DIAPH2: variants seen among roughly 807,000 people sequenced by gnomAD.
DIAPH2 encodes diaphanous related formin 2.
A neutral mutation model predicts 92.7 loss-of-function variants in DIAPH2; 35 were observed. The observed-to-expected ratio is 0.38, with a 90% CI of 0.29 to 0.50. The LOEUF is 0.50. Ranked by LOEUF, DIAPH2 falls within the 20% of genes least tolerant of loss-of-function variation. The probability of loss-of-function intolerance (pLI) is 0.94; values close to 1 mark genes in which losing one functional copy is unlikely to be tolerated. For missense variants in DIAPH2, 701 were observed against 819.5 expected (o/e 0.86, Z 1.77); for synonymous variants, 301 against 280.4 (o/e 1.07, Z -0.73).
intron 26 of DIAPH2, among the ~76,000 whole-genome samples, chrX:97,545,797 T>C (rs978093196): frequency 9.2e-6 from 1 of 108,564 alleles, no homozygotes; most frequent in African/African-American, 3.4e-5. Context: ...CAATGAGGGA[T>C]TGAGCAGGAA....
At chrX:97,262,092 T>TAAAAAAAAAAAAAAAA (rs35665297) in intron 23 of DIAPH2, among the ~76,000 whole-genome samples, 1 of 60,528 alleles carries the variant, frequency 1.7e-5, no homozygotes, top group Non-Finnish European at 2.9e-5. Context: ...GATGAGAAAC[T>TAAAAAAAAAAAAAAAA]AAAAAAAAAA....
intron 17 of DIAPH2, among the ~76,000 whole-genome samples, chrX:96,980,287 G>A (rs1250657294): frequency 1.8e-4 from 20 of 111,231 alleles, no homozygotes; most frequent in African/African-American, 5.6e-4. Context: ...GGAAAGCTGG[G>A]AAAGGGATGG....
intron 1 of DIAPH2, among the ~76,000 whole-genome samples, chrX:96,723,538 A>G (rs1283112040): frequency 8.9e-6 from 1 of 112,206 alleles, no homozygotes; most frequent in African/African-American, 3.2e-5. Flanking sequence ...TGGAGTTGGA[A>G]TACTACTTAC....
At chrX:97,296,264 C>T (rs2068642591) in intron 23 of DIAPH2, among the ~76,000 whole-genome samples, 1 of 111,408 alleles carries the variant, frequency 9.0e-6, no homozygotes, top group African/African-American at 3.3e-5. Flanking sequence ...TGGCTCCAAA[C>T]TAATTAGGCC....
chrX:97,200,940 C>T (rs904136725), intron 22 of DIAPH2, among the ~76,000 whole-genome samples: 1 of 111,161 alleles, frequency 9.0e-6, no homozygotes, highest in Non-Finnish European at 1.9e-5. Context: ...GGCATCAGGC[C>T]GGTGCCCCTC....
At chrX:97,155,528 A>G (rs1350902204) in intron 22 of DIAPH2, among the ~76,000 whole-genome samples, 1 of 110,886 alleles carries the variant, frequency 9.0e-6, no homozygotes, top group Non-Finnish European at 1.9e-5. Flanking sequence ...AAAATGTGGA[A>G]TATTATACAG....
intron 26 of DIAPH2, among the ~76,000 whole-genome samples, chrX:97,582,774 C>T: frequency 9.0e-6 from 1 of 111,098 alleles, no homozygotes. Flanking sequence ...GAGTGTTTTC[C>T]AACTTGGTTC....
At position 97,305,445 on chromosome X, in the gene DIAPH2, A is replaced by T. The variant is rs995709765; in HGVS notation, c.2845-42671A>T. Among the ~76,000 whole-genome samples the T allele has an allele frequency of 2.7e-5, 3 of 110,274 alleles. No individual in the cohort carries two copies. The South Asian group carries it at 1.2e-3, about 43-fold the overall frequency. On this transcript the variant is annotated intron_variant, in intron 23 of 26. Coordinates refer to ENST00000324765, the MANE Select transcript of DIAPH2 (RefSeq NM_006729.5). ...GAGGCAGAGATTGCAGTGAGAAAAGATTGCACCATTGCACTCCAGCCTGGG... is the reference window on the plus strand; with the variant it reads ...GAGGCAGAGATTGCAGTGAGAAAAGTTTGCACCATTGCACTCCAGCCTGGG...
intron 26 of DIAPH2, among the ~76,000 whole-genome samples, chrX:97,545,532 AAATATATAT>A (rs2071174185): frequency 4.4e-5 from 1 of 22,669 alleles, no homozygotes; most frequent in African/African-American, 7.0e-5. Flanking sequence ...GAAAAAAAAA[AAATATATAT>A]ATATATATAT....
At chrX:97,289,658 A>G (rs2068573310) in intron 23 of DIAPH2, among the ~76,000 whole-genome samples, 1 of 111,396 alleles carries the variant, frequency 9.0e-6, no homozygotes, top group African/African-American at 3.3e-5. Flanking sequence ...CCTTTGACCA[A>G]TGCCACTGCA....
intron 9 of DIAPH2, among the ~76,000 whole-genome samples, chrX:96,929,139 T>A (rs2065602999): frequency 9.0e-6 from 1 of 111,696 alleles, no homozygotes; most frequent in Non-Finnish European, 1.9e-5. Flanking sequence ...ATGTCATAGT[T>A]GTAACATAAC....
intron 24 of DIAPH2, among the ~76,000 whole-genome samples, chrX:97,379,057 G>A (rs2069528633): frequency 9.0e-6 from 1 of 111,648 alleles, no homozygotes; most frequent in African/African-American, 3.3e-5. Context: ...ATTCACGCGG[G>A]TAACCAGAAT....
intron 4 of DIAPH2, among the ~76,000 whole-genome samples, chrX:96,772,219 G>C (rs1417919101): frequency 8.9e-6 from 1 of 112,054 alleles, no homozygotes; most frequent in Non-Finnish European, 1.9e-5. Context: ...ATCTTAAAAA[G>C]AAAAAGGCCG....
chrX:96,962,364 TACAC>T (rs369795773), intron 16 of DIAPH2, among the ~76,000 whole-genome samples: 1 of 64,667 alleles, frequency 1.5e-5, no homozygotes, highest in African/African-American at 6.8e-5. Flanking sequence ...CATATATATA[TACAC>T]ATATATATAT....
At chrX:97,247,014 T>C (rs779856679) in intron 22 of DIAPH2, among the ~76,000 whole-genome samples, 1 of 112,057 alleles carries the variant, frequency 8.9e-6, no homozygotes, top group Admixed American at 9.5e-5. Context: ...TGTGCATGTA[T>C]TTAGGAGCAG....
chrX:97,264,699 T>C (rs1796215125), intron 23 of DIAPH2, among the ~76,000 whole-genome samples: 1 of 112,389 alleles, frequency 8.9e-6, no homozygotes, highest in African/African-American at 3.2e-5. Flanking sequence ...GAAATGACTT[T>C]ATTCGGCTGG....
At position 97,602,583 on chromosome X, in the gene DIAPH2, G is replaced by A. The variant is rs944926126; in HGVS notation, c.*3266G>A. On this transcript the variant is annotated 3_prime_UTR_variant, in exon 27 of 27. Transcript: ENST00000324765. ...AAATTTCTGTTATATTTCAAGGCCT[G>A]GCAGTAATCCTCTTTCTCAGGGCTC... 1 of 112,258 alleles carries A rather than the reference G, an allele frequency of 8.9e-6. No individual in the cohort carries two copies. Among genetic ancestry groups the A allele is most frequent in the African/African-American group, 3.2e-5 (1 of 30,896 alleles). The allele number at this position is 112,258 out of a possible 1,213,427, so 9.3% of individuals were successfully genotyped here. A position where few individuals can be genotyped will look rare whatever the true frequency, so the allele number is the denominator to read the frequency against.
At chrX:97,253,725 G>A (rs1363741244) in intron 23 of DIAPH2, among the ~76,000 whole-genome samples, 2 of 111,003 alleles carry the variant, frequency 1.8e-5, no homozygotes, top group African/African-American at 3.3e-5. Context: ...ACTCCAACCT[G>A]GGCAACAGAG....
chrX:97,183,934 C>T (rs2067560503), intron 22 of DIAPH2, among the ~76,000 whole-genome samples: 2 of 112,225 alleles, frequency 1.8e-5, no homozygotes, highest in South Asian at 3.7e-4. Flanking sequence ...AAGCAATTTG[C>T]CAGTGCACAA....
Sources: gnomAD v4.1 joint callset for allele counts (sites outside exome capture counted in the v4.1 genomes callset) on GRCh38, gnomAD v4.1.1 for gene constraint, MANE v1.5 for transcripts, NCBI Gene and HGNC (gene_info 2026-07-23, HGNC 2026-07-21) for gene names.